MNAT1: variants seen among roughly 807,000 people sequenced by gnomAD.
MNAT1 encodes the protein MNAT1 component of CDK activating kinase.
MNAT1 carries 43 observed loss-of-function variants against 42.0 expected under a neutral mutation model. The ratio of observed to expected loss-of-function variants is 1.02; its 90% confidence interval spans 0.80 to 1.32. MNAT1 has a LOEUF of 1.32. Among genes scored for constraint, MNAT1 ranks in the 40% most tolerant of loss-of-function variants. The pLI, the probability that MNAT1 is intolerant of heterozygous loss-of-function variation, is 0.00. For missense variants in MNAT1, 306 were observed against 350.4 expected, an observed-to-expected ratio of 0.87 and a Z score of 1.01; for synonymous variants, 118 against 120.0, an observed-to-expected ratio of 0.98 and a Z score of 0.11.
intron 1 of MNAT1, among the ~76,000 whole-genome samples, chr14:60,745,667 T>G (rs1410498859): frequency 3.3e-5 from 5 of 152,204 alleles, no homozygotes; most frequent in African/African-American, 1.2e-4. Flanking sequence ...TCTGCCCACC[T>G]TGGCCTCCCA....
rs143598557 is a variant in MNAT1 at position 60,742,031 on chromosome 14, G to A, written c.89+7080G>A. ...TTTCCTGCCTTATTTTGAAATAATT[G>A]GATTTTTTAAAGTATTGGCCTATTA... On this transcript the variant is annotated intron_variant, in intron 1 of 7. Coordinates refer to ENST00000261245, the MANE Select transcript of MNAT1 (RefSeq NM_002431.4). Among the ~76,000 whole-genome samples the A allele has an allele frequency of 1.1e-4, 17 of 151,448 alleles. No individual in the cohort carries two copies. The East Asian group carries it at 1.7e-3, about 16-fold the overall frequency.
At chr14:60,781,914 C>A (rs1452521700) in intron 1 of MNAT1, among the ~76,000 whole-genome samples, 1 of 146,294 alleles carries the variant, frequency 6.8e-6, no homozygotes, top group African/African-American at 2.5e-5. Flanking sequence ...AATACTACCT[C>A]TTTCCTATGC....
intron 6 of MNAT1, among the ~76,000 whole-genome samples, chr14:60,834,575 C>T (rs1048567761): frequency 2.6e-5 from 4 of 152,048 alleles, no homozygotes; most frequent in East Asian, 1.9e-4. Context: ...GTTTAACTTC[C>T]AATTATGCAG....
At chr14:60,766,530 G>C (rs2030829803) in intron 1 of MNAT1, among the ~76,000 whole-genome samples, 1 of 151,882 alleles carries the variant, frequency 6.6e-6, no homozygotes, top group African/African-American at 2.4e-5. Flanking sequence ...TGGCCAACAT[G>C]GTGAAACTCC....
At chr14:60,941,113 A>G (rs910404189) in intron 7 of MNAT1, among the ~76,000 whole-genome samples, 13 of 152,118 alleles carry the variant, frequency 8.5e-5, no homozygotes, top group Non-Finnish European at 1.9e-4. Flanking sequence ...TCTAGTTTTT[A>G]TGGTTTTTAG....
chr14:60,741,485 GAGT>G (rs1385000125), intron 1 of MNAT1, among the ~76,000 whole-genome samples: 2 of 151,792 alleles, frequency 1.3e-5, no homozygotes, highest in African/African-American at 4.8e-5. Flanking sequence ...TCAGCCTTCC[GAGT>G]AGCTGGGATT....
intron 7 of MNAT1, among the ~76,000 whole-genome samples, chr14:60,918,735 A>AATATATATATATATATATAT (rs140364759): frequency 5.4e-5 from 1 of 18,424 alleles, no homozygotes; most frequent in Admixed American, 1.1e-3. Context: ...TCCAGATGAG[A>AATATATATATATATATATAT]ATATATATAT....
intron 1 of MNAT1, among the ~76,000 whole-genome samples, chr14:60,738,080 C>CA (rs35298974): frequency 9.3e-4 from 107 of 115,658 alleles, no homozygotes; most frequent in African/African-American, 2.8e-3. Flanking sequence ...CCCTATCTTA[C>CA]AAAAAAAAAA....
At chr14:60,913,676 A>G (rs564348982) in intron 7 of MNAT1, among the ~76,000 whole-genome samples, 4 of 152,260 alleles carry the variant, frequency 2.6e-5, no homozygotes, top group East Asian at 1.9e-4. Flanking sequence ...CTGCCTGATC[A>G]TTCCTCTGGA....
chr14:60,742,065 C>G lies in MNAT1; in HGVS notation c.89+7114C>G, dbSNP rs180937723. Among the ~76,000 whole-genome samples the G allele has an allele frequency of 1.7e-3, 259 of 151,736 alleles. 1 individual carries two copies. Among genetic ancestry groups the G allele is most frequent in the African/African-American group, 5.5e-3 (229 of 41,442 alleles). The stretch of plus-strand genomic sequence containing the variant: ...AAAGTATTGGCCTATTAGCCGGTAG[C>G]TTTTTATTTTTTATTTATTTTTATT... On this transcript the variant is annotated intron_variant, in intron 1 of 7. Transcript: ENST00000261245.
At chr14:60,900,084 T>TCTCTCTC (rs1566544076) in intron 7 of MNAT1, among the ~76,000 whole-genome samples, 4 of 42,060 alleles carry the variant, frequency 9.5e-5, no homozygotes, top group South Asian at 6.8e-4. Flanking sequence ...CTCTCTCTCT[T>TCTCTCTC]ACCTTGGACT....
chr14:60,936,216 CT>C (rs1225828249), intron 7 of MNAT1, among the ~76,000 whole-genome samples: 2 of 152,068 alleles, frequency 1.3e-5, no homozygotes. Flanking sequence ...CCGGAGACCC[CT>C]TTTTTGTGTG....
intron 6 of MNAT1, among the ~76,000 whole-genome samples, chr14:60,854,879 C>G (rs1226003293): frequency 6.6e-6 from 1 of 152,194 alleles, no homozygotes; most frequent in Non-Finnish European, 1.5e-5. Context: ...TCAGAGCTGG[C>G]AGGCAGGAAC....
rs141478962 is a variant in MNAT1 at position 60,938,150 on chromosome 14, T to C, written c.810-30079T>C. ...GGCCAAGGCGATGGGATTTTCTAGA[T>C]ATACAATCATGTCATCTGCAAACAG... On this transcript the variant is annotated intron_variant, in intron 7 of 7. Coordinates refer to ENST00000261245, the MANE Select transcript of MNAT1 (RefSeq NM_002431.4). Among the ~76,000 whole-genome samples the C allele has an allele frequency of 5.2e-3, 794 of 152,332 alleles. 14 individuals carry two copies. Among genetic ancestry groups the C allele is most frequent in the African/African-American group, 0.018 (741 of 41,570 alleles).
At chr14:60,918,198 C>CTTTTTTTTTTTTT (rs386381525) in intron 7 of MNAT1, among the ~76,000 whole-genome samples, 4 of 48,620 alleles carry the variant, frequency 8.2e-5, no homozygotes, top group African/African-American at 1.2e-4. Flanking sequence ...ATTAATTGTT[C>CTTTTTTTTTTTTT]TTTTTTTTTT....
At chr14:60,854,008 T>C (rs958422736) in intron 6 of MNAT1, among the ~76,000 whole-genome samples, 2 of 152,302 alleles carry the variant, frequency 1.3e-5, no homozygotes. Context: ...CTTTTCATTC[T>C]TTTTTTCTAA....
At chr14:60,802,918 C>T (rs1341960727) in intron 3 of MNAT1, among the ~76,000 whole-genome samples, 1 of 149,476 alleles carries the variant, frequency 6.7e-6, no homozygotes, top group Non-Finnish European at 1.5e-5. Context: ...GGTTTGTCAT[C>T]ATATAAATAA....
rs2033274931 is a variant in MNAT1 at position 60,833,149 on chromosome 14, C to T, written c.687+14302C>T. On this transcript the variant is annotated intron_variant, in intron 6 of 7. Coordinates refer to ENST00000261245, the MANE Select transcript of MNAT1 (RefSeq NM_002431.4). ...CAGAGACAATTTGACTTCCTCTCTTCCTCTTTGAATACTCTTTATTTCTTT... is the reference window on the plus strand; with the variant it reads ...CAGAGACAATTTGACTTCCTCTCTTTCTCTTTGAATACTCTTTATTTCTTT... Among the ~76,000 whole-genome samples the T allele has an allele frequency of 3.3e-5, 5 of 152,124 alleles. No individual in the cohort carries two copies. The South Asian group carries it at 1.0e-3, about 32-fold the overall frequency.
At chr14:60,968,194 T>C in intron 7 of MNAT1, 35 bp from the exon 8 acceptor site, 1 of 1,490,050 alleles carries the variant, frequency 6.7e-7, no homozygotes. Flanking sequence ...ATATTTGCTT[T>C]GTATATCAAT....
Sources: gnomAD v4.1 joint callset for allele counts (sites outside exome capture counted in the v4.1 genomes callset) on GRCh38, gnomAD v4.1.1 for gene constraint, MANE v1.5 for transcripts, NCBI Gene and HGNC (gene_info 2026-07-23, HGNC 2026-07-21) for gene names.